The following YES1 variants were observed in gnomAD, a reference collection of about 807,000 sequenced individuals.
YES1 encodes YES proto-oncogene 1, Src family tyrosine kinase.
Under a neutral mutation model 70.4 loss-of-function variants are expected in YES1, and 39 were observed. The observed-to-expected ratio is 0.55, with a 90% CI of 0.43 to 0.72. The LOEUF (loss-of-function observed/expected upper bound fraction) is 0.72. Among genes scored for constraint, YES1 ranks in the 30% least tolerant of loss-of-function variants. The probability of loss-of-function intolerance (pLI) is 0.00; values close to 1 mark genes in which losing one functional copy is unlikely to be tolerated. For missense variants in YES1, 495 were observed against 644.8 expected (o/e 0.77, Z 2.52); for synonymous variants, 198 against 218.6 (o/e 0.91, Z 0.83).
intron 10 of YES1, among the ~76,000 whole-genome samples, chr18:733,944 G>T (rs912264453): frequency 6.6e-6 from 1 of 152,170 alleles, no homozygotes; most frequent in Non-Finnish European, 1.5e-5. Context: ...ACAAACAGAT[G>T]ATCAATTTTC....
At chr18:750,909 T>C (rs1277048629) in intron 3 of YES1, among the ~76,000 whole-genome samples, 2 of 152,096 alleles carry the variant, frequency 1.3e-5, no homozygotes, top group African/African-American at 4.8e-5. Context: ...ACTCAGAAAA[T>C]TGCAAGTAAT....
chr18:731,829 T>C (rs1009535578), intron 11 of YES1, among the ~76,000 whole-genome samples: 5 of 151,690 alleles, frequency 3.3e-5, no homozygotes, highest in African/African-American at 9.7e-5. Flanking sequence ...TAGCTGGGCG[T>C]GGTGGCGGGT....
chr18:764,123 AAAAAAAAAAAAG>A (rs1205584977), intron 1 of YES1, among the ~76,000 whole-genome samples: 1 of 151,452 alleles, frequency 6.6e-6, no homozygotes, highest in Non-Finnish European at 1.5e-5. Context: ...CCCTCTCAAA[AAAAAAAAAAAAG>A]AAAAAGTCAT....
rs114670339 is a variant in YES1 at position 805,787 on chromosome 18, A to G, written c.-9+6327T>C. ...GTTAGAAGTCAATACATTCGCCAGG[A>G]AACAATGTGAAGTATTAACTTATAC... is the stretch of plus-strand genomic sequence containing the variant. On this transcript the variant is annotated intron_variant, in intron 1 of 11. Transcript: ENST00000314574. Among the ~76,000 whole-genome samples the G allele has an allele frequency of 1.0e-2, 1,522 of 152,310 alleles. 20 individuals carry two copies. Among genetic ancestry groups the G allele is most frequent in the African/African-American group, 0.035 (1,448 of 41,538 alleles).
At chr18:777,952 T>C (rs1292294022) in intron 1 of YES1, among the ~76,000 whole-genome samples, 1 of 152,238 alleles carries the variant, frequency 6.6e-6, no homozygotes, top group African/African-American at 2.4e-5. Flanking sequence ...ATTATTATGT[T>C]GTACACACAC....
At chr18:769,915 G>A (rs1254300370) in intron 1 of YES1, among the ~76,000 whole-genome samples, 1 of 151,030 alleles carries the variant, frequency 6.6e-6, no homozygotes, top group African/African-American at 2.4e-5. Flanking sequence ...GTATCAGGAT[G>A]TTGGCCTCAC....
chr18:727,041 TA>T (rs1307441496), intron 11 of YES1, among the ~76,000 whole-genome samples: 1 of 152,172 alleles, frequency 6.6e-6, no homozygotes, highest in Non-Finnish European at 1.5e-5. Context: ...CAATGAATGA[TA>T]AAGTATCTCT....
chr18:799,616 G>A (rs1906716277), intron 1 of YES1, among the ~76,000 whole-genome samples: 1 of 152,186 alleles, frequency 6.6e-6, no homozygotes, highest in Admixed American at 6.5e-5. Context: ...GCTGAGGCAG[G>A]AGAATCCACC....
intron 1 of YES1, among the ~76,000 whole-genome samples, chr18:769,089 C>T (rs1281180953): frequency 6.6e-6 from 1 of 152,102 alleles, no homozygotes; most frequent in African/African-American, 2.4e-5. Context: ...AGCCTAGGAG[C>T]CATAGGCTAT....
intron 10 of YES1, among the ~76,000 whole-genome samples, chr18:734,649 C>T (rs1483451624): frequency 6.6e-6 from 1 of 151,640 alleles, no homozygotes; most frequent in Non-Finnish European, 1.5e-5. Context: ...CAGTGAGACA[C>T]TACCTTACTC....
At chr18:742,843 A>G in intron 8 of YES1, 75 bp downstream of exon 8, 1 of 1,208,708 alleles carries the variant, frequency 8.3e-7, no homozygotes, top group South Asian at 2.0e-5. Flanking sequence ...AAAACAGTAT[A>G]AGTCTATATG....
intron 1 of YES1, among the ~76,000 whole-genome samples, chr18:782,424 C>G (rs551709073): frequency 6.6e-6 from 1 of 152,266 alleles, no homozygotes; most frequent in South Asian, 2.1e-4. Context: ...CATGGCAGAT[C>G]CCACCTGAAC....
At chr18:786,496 T>TACACACACACACACACACACAC (rs56410052) in intron 1 of YES1, among the ~76,000 whole-genome samples, 1 of 139,534 alleles carries the variant, frequency 7.2e-6, no homozygotes, top group African/African-American at 2.7e-5. Context: ...AATAAGTCCA[T>TACACACACACACACACACACAC]ACACACACAC....
intron 6 of YES1, among the ~76,000 whole-genome samples, chr18:745,018 A>G (rs2080262843): frequency 6.6e-6 from 1 of 152,126 alleles, no homozygotes; most frequent in East Asian, 1.9e-4. Context: ...GCTTGGTAAC[A>G]TGCTTGATCA....
chr18:778,641 T>C (rs1310115197), intron 1 of YES1, among the ~76,000 whole-genome samples: 3 of 152,220 alleles, frequency 2.0e-5, no homozygotes. Flanking sequence ...TTTAAATCTT[T>C]AGGAAATCCT....
intron 1 of YES1, among the ~76,000 whole-genome samples, chr18:791,248 GA>G (rs1301359086): frequency 8.2e-6 from 1 of 122,688 alleles, no homozygotes; most frequent in Non-Finnish European, 1.7e-5. Flanking sequence ...GAAACTTGAA[GA>G]AGAAAAAAAA....
intron 9 of YES1, chr18:739,104 C>G (rs554635015): frequency 9.9e-5 from 15 of 152,220 alleles, no homozygotes; most frequent in African/African-American, 3.1e-4. Flanking sequence ...AGATTACAAG[C>G]GTGAGCCACC....
At chr18:740,746 G>A (rs990104497) in intron 8 of YES1, among the ~76,000 whole-genome samples, 4 of 152,090 alleles carry the variant, frequency 2.6e-5, no homozygotes, top group Non-Finnish European at 4.4e-5. Flanking sequence ...AATCTCTCCC[G>A]CCTGGAAATA....
chr18:771,468 AT>A (rs1261878861), intron 1 of YES1, among the ~76,000 whole-genome samples: 2 of 152,208 alleles, frequency 1.3e-5, no homozygotes, highest in Non-Finnish European at 2.9e-5. Context: ...TTCCTTAAAA[AT>A]CACCTTCAAA....
Sources: gnomAD v4.1 joint callset for allele counts (sites outside exome capture counted in the v4.1 genomes callset) on GRCh38, gnomAD v4.1.1 for gene constraint, MANE v1.5 for transcripts, NCBI Gene and HGNC (gene_info 2026-07-23, HGNC 2026-07-21) for gene names.